ANKRD13C: variants seen among roughly 807,000 people sequenced by gnomAD.
The protein encoded by ANKRD13C is ankyrin repeat domain-containing protein 13C.
Under a neutral mutation model 65.5 loss-of-function variants are expected in ANKRD13C, and 16 were observed. The ratio of observed to expected loss-of-function variants is 0.24; its 90% CI spans 0.17 to 0.37. ANKRD13C has a LOEUF of 0.37. Ranked by LOEUF, ANKRD13C falls within the 10% of genes least tolerant of loss-of-function variation. The pLI, the probability that ANKRD13C is intolerant of heterozygous loss-of-function variation, is 1.00. For synonymous variants in ANKRD13C, 235 were observed against 238.7 expected, an observed-to-expected ratio of 0.98 and a Z score of 0.14; for missense variants, 503 against 655.9, an observed-to-expected ratio of 0.77 and a Z score of 2.55.
intron 8 of ANKRD13C, among the ~76,000 whole-genome samples, chr1:70,294,588 C>T (rs1407350646): frequency 6.6e-6 from 1 of 150,886 alleles, no homozygotes; most frequent in African/African-American, 2.4e-5. Context: ...AACTGCAACA[C>T]AGAAACCCTG....
At chr1:70,305,260 T>C (rs1680540238) in intron 6 of ANKRD13C, among the ~76,000 whole-genome samples, 1 of 152,156 alleles carries the variant, frequency 6.6e-6, no homozygotes, top group Non-Finnish European at 1.5e-5. Context: ...CAGAAATAGC[T>C]GATTTTTAAA....
intron 5 of ANKRD13C, among the ~76,000 whole-genome samples, chr1:70,309,223 C>A (rs758700956): frequency 6.6e-6 from 1 of 151,532 alleles, no homozygotes; most frequent in Non-Finnish European, 1.5e-5. Context: ...CAGGCGCCCC[C>A]CTACCATGTC....
chr1:70,297,287 ATTTTTTT>A (rs748635051), intron 7 of ANKRD13C, among the ~76,000 whole-genome samples: 2 of 98,806 alleles, frequency 2.0e-5, no homozygotes, highest in Non-Finnish European at 4.0e-5. Context: ...TCCCTTTCTG[ATTTTTTT>A]TTTTTTTTTT....
chr1:70,276,592 CTT>C (rs1679144690), intron 10 of ANKRD13C, among the ~76,000 whole-genome samples, 171 bp downstream of exon 10: 2 of 152,114 alleles, frequency 1.3e-5, no homozygotes, highest in South Asian at 4.1e-4. Flanking sequence ...ATTTGGGACA[CTT>C]TGCCCTTATC....
intron 6 of ANKRD13C, among the ~76,000 whole-genome samples, chr1:70,301,136 T>C (rs957369392): frequency 4.0e-5 from 6 of 150,532 alleles, no homozygotes; most frequent in Admixed American, 1.3e-4. Context: ...TATTTCACTT[T>C]TCTGAATATA....
chr1:70,300,380 G>T (rs1680296567), intron 7 of ANKRD13C, among the ~76,000 whole-genome samples: 1 of 152,116 alleles, frequency 6.6e-6, no homozygotes, highest in South Asian at 2.1e-4. Flanking sequence ...TTGAGGTCAG[G>T]AGTTTGAGAC....
chr1:70,272,547 A>G (rs1192817399), intron 11 of ANKRD13C, among the ~76,000 whole-genome samples: 1 of 151,872 alleles, frequency 6.6e-6, no homozygotes, highest in Non-Finnish European at 1.5e-5. Context: ...TTTCAAGAGT[A>G]GTGGTTATAA....
At chr1:70,316,836 G>A (rs1681092660) in intron 3 of ANKRD13C, among the ~76,000 whole-genome samples, 3 of 152,106 alleles carry the variant, frequency 2.0e-5, no homozygotes, top group Non-Finnish European at 2.9e-5. Flanking sequence ...ATGGAAAAAT[G>A]TGCATCGGGG....
intron 1 of ANKRD13C, among the ~76,000 whole-genome samples, chr1:70,342,469 C>A (rs1248722962): frequency 6.6e-6 from 1 of 152,074 alleles, no homozygotes; most frequent in Non-Finnish European, 1.5e-5. Flanking sequence ...ACCCGGGAGG[C>A]AGAAGTTGCA....
chr1:70,347,855 A>T (rs1019614826), intron 1 of ANKRD13C, among the ~76,000 whole-genome samples: 1 of 152,236 alleles, frequency 6.6e-6, no homozygotes, highest in African/African-American at 2.4e-5. Flanking sequence ...GGTAAGGGGT[A>T]TAACACACTT....
chr1:70,313,705 A>G (rs377183589), intron 5 of ANKRD13C, 40 bp downstream of exon 5: 10 of 1,455,926 alleles, frequency 6.9e-6, no homozygotes, highest in East Asian at 4.6e-5. Context: ...GCATTTCTGC[A>G]TAAGTACATA....
At chr1:70,298,271 A>G (rs147380644) in intron 7 of ANKRD13C, among the ~76,000 whole-genome samples, 2,300 of 152,306 alleles carry the variant, frequency 0.015, 34 homozygotes, top group South Asian at 0.048. Context: ...AAACTTTTGG[A>G]ACAGAATTCT....
At chr1:70,300,359 G>A (rs1680295511) in intron 7 of ANKRD13C, among the ~76,000 whole-genome samples, 1 of 152,086 alleles carries the variant, frequency 6.6e-6, no homozygotes, top group African/African-American at 2.4e-5. Flanking sequence ...AGGCCGAGGT[G>A]GGTGCATCAT....
intron 5 of ANKRD13C, among the ~76,000 whole-genome samples, chr1:70,312,009 G>A (rs931462114): frequency 6.6e-6 from 1 of 151,982 alleles, no homozygotes; most frequent in East Asian, 1.9e-4. Flanking sequence ...CAAGACAGTA[G>A]AAAACTACTA....
At chr1:70,282,208 C>T (rs1025101472) in intron 9 of ANKRD13C, among the ~76,000 whole-genome samples, 1 of 151,540 alleles carries the variant, frequency 6.6e-6, no homozygotes, top group African/African-American at 2.4e-5. Context: ...GTGTCCACCA[C>T]CACGCCCGGC....
intron 5 of ANKRD13C, 28 bp from the exon 6 acceptor site, chr1:70,306,318 A>G: frequency 7.0e-7 from 1 of 1,425,246 alleles, no homozygotes; most frequent in South Asian, 1.5e-5. Context: ...AAAGGTAAAA[A>G]ATAACTACCT....
rs117370689 is a variant in ANKRD13C, at chr1:70,279,786, A to G, written c.1216-2942T>C. On this transcript the variant is annotated intron_variant, in intron 9 of 12. Transcript: ENST00000370944. ...CCAAAGTGCTGGGATTACAGGCATAAGCCACTGTGATCAGCCCTTGAGTTA... is the reference window on the plus strand; with the variant it reads ...CCAAAGTGCTGGGATTACAGGCATAGGCCACTGTGATCAGCCCTTGAGTTA... Among the ~76,000 whole-genome samples the G allele has an allele frequency of 3.9e-5, 6 of 152,254 alleles. No individual in the cohort carries two copies. In the East Asian group the frequency reaches 1.2e-3, roughly 29 times the overall value.
At chr1:70,347,706 C>T (rs905865765) in intron 1 of ANKRD13C, among the ~76,000 whole-genome samples, 3 of 152,098 alleles carry the variant, frequency 2.0e-5, no homozygotes, top group Non-Finnish European at 2.9e-5. Context: ...AACCCAAGGA[C>T]AGTCCTACTC....
chr1:70,340,791 CT>C (rs1682273506), intron 1 of ANKRD13C, among the ~76,000 whole-genome samples: 2 of 151,990 alleles, frequency 1.3e-5, no homozygotes, highest in African/African-American at 4.8e-5. Flanking sequence ...AGACATGCAC[CT>C]TTTTCTCAGA....
Sources: allele counts gnomAD v4.1 joint callset (sites outside exome capture counted in the v4.1 genomes callset), GRCh38; gene constraint gnomAD v4.1.1; transcripts MANE v1.5; gene names NCBI Gene and HGNC (gene_info 2026-07-23, HGNC 2026-07-21).